The following CPNE1 variants were observed in gnomAD, a reference collection of about 807,000 sequenced individuals.
The protein encoded by CPNE1 is copine-1.
Under a neutral mutation model 63.2 loss-of-function variants are expected in CPNE1, and 58 were observed. The observed-to-expected ratio is 0.92, with a 90% CI of 0.74 to 1.14. CPNE1 has a LOEUF of 1.14. CPNE1 is among the 50% of genes most tolerant of loss of function. The pLI is 0.00. For missense variants in CPNE1, 672 were observed against 661.7 expected, an observed-to-expected ratio of 1.02 and a Z score of -0.17; for synonymous variants, 237 against 249.0, an observed-to-expected ratio of 0.95 and a Z score of 0.45.
chr20:35,644,493 G>T (rs7273815), intron 1 of CPNE1, among the ~76,000 whole-genome samples: 15,513 of 152,156 alleles, frequency 0.1, 829 homozygotes, highest in South Asian at 0.14. Context: ...TCCAGAAACC[G>T]AATGGCTAGG....
At chr20:35,651,604 G>A (rs1262439749) in intron 1 of CPNE1, 1 of 152,048 alleles carries the variant, frequency 6.6e-6, no homozygotes, top group East Asian at 1.9e-4. Context: ...AATCGGGACA[G>A]GAGGAAATTG....
chr20:35,634,759 G>A (rs1052659344), intron 1 of CPNE1, among the ~76,000 whole-genome samples: 4 of 151,922 alleles, frequency 2.6e-5, no homozygotes, highest in Non-Finnish European at 4.4e-5. Flanking sequence ...CTTCTTTCGT[G>A]AGACAGAGTC....
intron 1 of CPNE1, among the ~76,000 whole-genome samples, chr20:35,660,822 C>T (rs1338064021): frequency 6.6e-6 from 1 of 152,168 alleles, no homozygotes; most frequent in Non-Finnish European, 1.5e-5. Context: ...TTCCTCTCAG[C>T]CTCTTCCCTT....
chr20:35,652,419 A>G (rs1004094357), intron 1 of CPNE1: 2 of 1,350,816 alleles, frequency 1.5e-6, no homozygotes, highest in South Asian at 1.4e-5. Context: ...GCTATATGCA[A>G]TTGAAACAAT....
chr20:35,646,202 A>G (rs999173512), intron 1 of CPNE1, among the ~76,000 whole-genome samples: 4 of 140,586 alleles, frequency 2.8e-5, no homozygotes, highest in Middle Eastern at 3.3e-3. Flanking sequence ...GGTTACAGTG[A>G]GCTGACTGTA....
intron 1 of CPNE1, among the ~76,000 whole-genome samples, chr20:35,640,669 T>C (rs1189190627): frequency 6.6e-6 from 1 of 152,180 alleles, no homozygotes; most frequent in Non-Finnish European, 1.5e-5. Flanking sequence ...TTATTATGTA[T>C]TTCTCCTCTT....
chr20:35,662,221 T>C (rs1020222333), intron 1 of CPNE1, among the ~76,000 whole-genome samples: 3 of 152,194 alleles, frequency 2.0e-5, no homozygotes, highest in Non-Finnish European at 4.4e-5. Flanking sequence ...CTGTCAAAAA[T>C]ATTAAGTTAT....
intron 1 of CPNE1, chr20:35,653,893 T>C: frequency 6.2e-7 from 1 of 1,614,210 alleles, no homozygotes; most frequent in Non-Finnish European, 8.5e-7. Flanking sequence ...ATTTCTGAAC[T>C]CTACAAAGCC....
intron 1 of CPNE1, chr20:35,655,307 G>A (rs769171386): frequency 6.8e-6 from 11 of 1,608,858 alleles, no homozygotes; most frequent in African/African-American, 1.3e-5. Flanking sequence ...CCTTGCAAAC[G>A]GATGACCACA....
intron 1 of CPNE1, chr20:35,651,859 T>C (rs761197373): frequency 2.6e-5 from 4 of 152,618 alleles, no homozygotes; most frequent in Non-Finnish European, 4.4e-5. Flanking sequence ...TTTGAGGTTA[T>C]AGCACAAACG....
chr20:35,652,746 T>G lies in CPNE1; in HGVS notation c.-1+12014A>C. 1 of 1,613,574 alleles carries G rather than the reference T, an allele frequency of 6.2e-7. No individual in the cohort carries two copies. The stretch of plus-strand genomic sequence containing the variant: ...ACACAGTAAAGGGCATGTTTTGCAC[T>G]TTAATTACTGTCGGTCCTGGTTTTC... On this transcript the variant is annotated intron_variant, in intron 1 of 15. Coordinates refer to ENST00000397443, the MANE Select transcript of CPNE1 (RefSeq NM_152925.3).
intron 13 of CPNE1, among the ~76,000 whole-genome samples, chr20:35,629,367 G>T (rs2031972047): frequency 6.6e-6 from 1 of 152,168 alleles, no homozygotes; most frequent in African/African-American, 2.4e-5. Context: ...GGGTACTGGG[G>T]AGTCAAAAGG....
intron 1 of CPNE1, among the ~76,000 whole-genome samples, chr20:35,634,262 A>C (rs1473274927): frequency 4.7e-5 from 4 of 84,750 alleles, no homozygotes; most frequent in African/African-American, 2.0e-4. Flanking sequence ...CTCTGTCACA[A>C]AAAAAAAAAA....
Position 35,631,304 on chromosome 20 carries a change from G to A in CPNE1, c.765C>T (p.Tyr255=). 6.2e-7 allele frequency: 1 copy of A among 1,614,180 alleles called. No homozygotes were observed. Residue 255 remains tyrosine (Y), a synonymous_variant, in exon 9 of 16, where the codon TAC becomes TAT. Transcript: ENST00000397443. ...HPEKQQKKKS[Y]KNSGTIRVKI... is the part of the protein sequence containing the mutation. ...TGACACGGATAGTTCCAGAGTTCTT[G>A]TAGCTTTTCTTTTTCTGCTGCTTCT...
chr20:35,627,143 G>A (rs1012732131), intron 14 of CPNE1, 137 bp downstream of exon 14: 49 of 831,014 alleles, frequency 5.9e-5, no homozygotes, highest in Admixed American at 1.6e-4. Flanking sequence ...AGCTGAGATC[G>A]CGTCACTGCA....
At chr20:35,662,786 T>C (rs1345020061) in intron 1 of CPNE1, among the ~76,000 whole-genome samples, 1 of 152,136 alleles carries the variant, frequency 6.6e-6, no homozygotes, top group Non-Finnish European at 1.5e-5. Context: ...CTCTCAATAC[T>C]CAATCATCAA....
intron 1 of CPNE1, chr20:35,659,069 C>G: frequency 1.4e-6 from 1 of 711,676 alleles, no homozygotes; most frequent in Non-Finnish European, 2.6e-6. Flanking sequence ...CAAAACAACA[C>G]GCACAGGCCA....
chr20:35,653,112 G>C (rs769668015), intron 1 of CPNE1: 1 of 1,613,784 alleles, frequency 6.2e-7, no homozygotes, highest in South Asian at 1.1e-5. Context: ...CTGGAGGAGG[G>C]ATTGGTGGCC....
chr20:35,632,664 TG>T lies in CPNE1; in HGVS notation c.161del (p.Ser54Ter). 1 of 1,292,874 alleles carries T rather than the reference TG, an allele frequency of 7.7e-7. No individual in the cohort carries two copies. Among genetic ancestry groups the T allele is most frequent in the Non-Finnish European group, 1.1e-6 (1 of 886,620 alleles). The allele number at this position is 1,292,874 out of a possible 1,614,324, so 80.1% of individuals were successfully genotyped here. On this transcript the variant is annotated frameshift_variant, in exon 3 of 16. Coordinates refer to ENST00000397443, the MANE Select transcript of CPNE1 (RefSeq NM_152925.3). LOFTEE classifies it high-confidence loss of function. The stretch of plus-strand genomic sequence containing the variant: ...GTAGAGTCTTGGAGAACTCAGGGCT[TG>T]AGCAGTTCCGCACCCGTTCAGTCCG... ...LGRTERVRNC[S>X]SPEFSKTLQL... is the part of the protein sequence containing the mutation.
Sources: allele counts gnomAD v4.1 joint callset (sites outside exome capture counted in the v4.1 genomes callset), GRCh38; gene constraint gnomAD v4.1.1; transcripts MANE v1.5; gene names NCBI Gene and HGNC (gene_info 2026-07-23, HGNC 2026-07-21).